Variants in CEP162 observed in about 807,000 individuals in gnomAD.
The protein encoded by CEP162 is centrosomal protein 162.
CEP162 carries 141 observed loss-of-function variants against 169.2 expected under a neutral mutation model. The observed-to-expected ratio is 0.83, with a 90% CI of 0.73 to 0.96. CEP162 has a LOEUF of 0.96. Ranked by LOEUF, CEP162 falls within the 40% of genes least tolerant of loss-of-function variation. CEP162 has a pLI of 0.00. For missense variants in CEP162, 1,600 were observed against 1,587.2 expected (o/e 1.01, Z -0.14); for synonymous variants, 540 against 526.4 (o/e 1.03, Z -0.35).
chr6:84,216,822 T>C (rs1258947653), intron 3 of CEP162, among the ~76,000 whole-genome samples: 1 of 152,292 alleles, frequency 6.6e-6, no homozygotes, highest in Non-Finnish European at 1.5e-5. Flanking sequence ...TGAAAAATGA[T>C]TGACCATGAG....
At chr6:84,158,358 G>A (rs2099524069) in intron 21 of CEP162, among the ~76,000 whole-genome samples, 1 of 152,146 alleles carries the variant, frequency 6.6e-6, no homozygotes, top group Non-Finnish European at 1.5e-5. Context: ...ATATAATTGA[G>A]GATCAAATGA....
intron 6 of CEP162, 92 bp from the exon 7 acceptor site, chr6:84,204,188 T>C (rs934517699): frequency 8.8e-6 from 6 of 678,018 alleles, no homozygotes; most frequent in Admixed American, 8.8e-5. Context: ...GGAAGAAGTC[T>C]GTATAAGAAT....
intron 25 of CEP162, among the ~76,000 whole-genome samples, chr6:84,137,902 C>T (rs1199653676): frequency 6.6e-6 from 1 of 152,134 alleles, no homozygotes; most frequent in Non-Finnish European, 1.5e-5. Context: ...ATAAGATTTT[C>T]ACCCCATTGC....
chr6:84,176,938 A>G (rs2099532660), intron 13 of CEP162, among the ~76,000 whole-genome samples: 1 of 150,596 alleles, frequency 6.6e-6, no homozygotes, highest in African/African-American at 2.4e-5. Context: ...CCCAGGCTGG[A>G]GTGTATTTTT....
At chr6:84,136,883 T>TAAAGA (rs1234046456) in intron 25 of CEP162, among the ~76,000 whole-genome samples, 1 of 152,198 alleles carries the variant, frequency 6.6e-6, no homozygotes, top group African/African-American at 2.4e-5. Context: ...CTCCCCTTGA[T>TAAAGA]AAAGAATGGC....
chr6:84,166,851 TATAA>T (rs1460424964), intron 18 of CEP162, among the ~76,000 whole-genome samples: 15 of 152,242 alleles, frequency 9.9e-5, no homozygotes, highest in Non-Finnish European at 1.9e-4. Flanking sequence ...TTTATCCCAG[TATAA>T]ATAATTTTTG....
chr6:84,186,862 T>C (rs2127714325), intron 11 of CEP162, among the ~76,000 whole-genome samples: 1 of 152,284 alleles, frequency 6.6e-6, no homozygotes, highest in South Asian at 2.1e-4. Flanking sequence ...ATTATAAAGG[T>C]GATGCTGAGA....
intron 25 of CEP162, among the ~76,000 whole-genome samples, chr6:84,128,537 G>T (rs2099509859): frequency 1.3e-5 from 2 of 152,062 alleles, no homozygotes; most frequent in Non-Finnish European, 2.9e-5. Flanking sequence ...CTATATGGTG[G>T]TCGGTAAGCC....
At chr6:84,195,705 A>G (rs577139735) in intron 9 of CEP162, among the ~76,000 whole-genome samples, 6 of 152,160 alleles carry the variant, frequency 3.9e-5, no homozygotes, top group Non-Finnish European at 8.8e-5. Context: ...TTTTGTTATT[A>G]CCATAATTTT....
chr6:84,169,506 T>C, intron 17 of CEP162, 73 bp from the exon 18 acceptor site: 2 of 863,196 alleles, frequency 2.3e-6, no homozygotes, highest in Non-Finnish European at 3.5e-6. Context: ...AATATTCAAT[T>C]CTTAAAAATT....
rs949578752 is a variant in CEP162 at position 84,134,939 on chromosome 6, C to T, written c.3871-8427G>A. On this transcript the variant is annotated intron_variant, in intron 25 of 26. Coordinates refer to ENST00000403245, the MANE Select transcript of CEP162 (RefSeq NM_014895.4). ...ATATATACACACACACACACACACA[C>T]ACACACACACACACACATATATAGT... 4.6e-3 allele frequency among the ~76,000 whole-genome samples: 693 copies of T among 151,700 alleles called. 9 individuals carry two copies. The highest frequency in any genetic ancestry group is 0.016 in the African/African-American group (660 of 41,420).
intron 6 of CEP162, among the ~76,000 whole-genome samples, chr6:84,205,563 A>C (rs1034323215): frequency 3.9e-5 from 6 of 152,178 alleles, no homozygotes; most frequent in African/African-American, 1.2e-4. Context: ...ATTCATGGGA[A>C]GTATCTCAAA....
At chr6:84,156,657 G>A (rs553233245) in intron 21 of CEP162, among the ~76,000 whole-genome samples, 8 of 151,960 alleles carry the variant, frequency 5.3e-5, no homozygotes, top group Admixed American at 5.2e-4. Context: ...AAAACAGTGT[G>A]GAGATTTCTT....
At chr6:84,163,530 T>A (rs1404830659) in intron 18 of CEP162, among the ~76,000 whole-genome samples, 3 of 151,968 alleles carry the variant, frequency 2.0e-5, no homozygotes, top group African/African-American at 7.3e-5. Context: ...ACTAACCATA[T>A]TGATGACCCA....
Position 84,139,511 on chromosome 6 carries a change from A to T in CEP162, c.3870+7176T>A, listed in dbSNP as rs1049559765. Among the ~76,000 whole-genome samples the T allele has an allele frequency of 3.7e-3, 560 of 152,180 alleles. 5 individuals are homozygous for T. The highest frequency in any genetic ancestry group is 3.9e-3 in the Non-Finnish European group (263 of 68,014). ...GAACTCACATGGGTTGAGAAAAAAA[A>T]TTTTTCCTTCCTGACAGTTTTTGGC... On this transcript the variant is annotated intron_variant, in intron 25 of 26. Transcript: ENST00000403245.
At chr6:84,166,464 C>G (rs2099527877) in intron 18 of CEP162, among the ~76,000 whole-genome samples, 1 of 152,184 alleles carries the variant, frequency 6.6e-6, no homozygotes, top group South Asian at 2.1e-4. Flanking sequence ...TTTTCATTTT[C>G]TTCAAAGCAC....
intron 25 of CEP162, among the ~76,000 whole-genome samples, chr6:84,127,443 T>A (rs1337745723): frequency 6.6e-6 from 1 of 152,112 alleles, no homozygotes; most frequent in African/African-American, 2.4e-5. Flanking sequence ...ATATCATCAT[T>A]GAACAAAGAA....
At chr6:84,219,318 T>C (rs1296884996) in intron 3 of CEP162, 4 of 402,758 alleles carry the variant, frequency 9.9e-6, no homozygotes, top group Non-Finnish European at 1.5e-5. Flanking sequence ...GCTGACATTG[T>C]CAAAGTTTGC....
chr6:84,219,233 T>A, intron 3 of CEP162: 1 of 1,034,260 alleles, frequency 9.7e-7, no homozygotes, highest in Non-Finnish European at 1.3e-6. Context: ...TAGAACATAA[T>A]ACAAACTCAG....
Sources: allele counts gnomAD v4.1 joint callset (sites outside exome capture counted in the v4.1 genomes callset), GRCh38; gene constraint gnomAD v4.1.1; transcripts MANE v1.5; gene names NCBI Gene and HGNC (gene_info 2026-07-23, HGNC 2026-07-21).